Variants in HMGA2 observed in about 807,000 individuals in gnomAD.
HMGA2 encodes high mobility group AT-hook 2.
HMGA2 carries 8 observed loss-of-function variants against 19.1 expected under a neutral mutation model. The ratio of observed to expected loss-of-function variants is 0.42; its 90% CI spans 0.25 to 0.76. HMGA2 has a LOEUF of 0.76. Ranked by LOEUF, HMGA2 falls within the 30% of genes least tolerant of loss-of-function variation. HMGA2 has a pLI of 0.28. For synonymous variants in HMGA2, 60 were observed against 48.8 expected (o/e 1.23, Z -0.96); for missense variants, 109 against 136.3 (o/e 0.80, Z 1.00).
chr12:65,880,186 A>AT (rs1873297767), intron 3 of HMGA2, among the ~76,000 whole-genome samples: 3 of 152,236 alleles, frequency 2.0e-5, no homozygotes, highest in African/African-American at 7.2e-5. Flanking sequence ...GAAGCAAAGC[A>AT]TTTTTCACGG....
At position 65,824,745 on chromosome 12, in the gene HMGA2, C is replaced by G. The variant is rs865805081; in HGVS notation, c.-526C>G. ...TCTCTCTCTCTCTCTCTCTCTCTCT[C>G]TCTCTCTCTCTCTCTCTCTCTCTCG... On this transcript the variant is annotated 5_prime_UTR_variant, in exon 1 of 5. Transcript: ENST00000403681. The G allele has an allele frequency of 2.3e-3, 527 of 231,782 alleles. 7 individuals are homozygous for G. Among genetic ancestry groups the G allele is most frequent in the African/African-American group, 8.9e-3 (397 of 44,750 alleles). The allele number at this position is 231,782 out of a possible 1,614,324, so 14.4% of individuals were successfully genotyped here.
chr12:65,917,713 T>G (rs758995164), intron 3 of HMGA2, among the ~76,000 whole-genome samples: 24 of 152,178 alleles, frequency 1.6e-4, no homozygotes, highest in Non-Finnish European at 3.4e-4. Context: ...GGCTGGAGTT[T>G]CCTGGAGTGT....
intron 3 of HMGA2, among the ~76,000 whole-genome samples, chr12:65,869,494 T>C (rs138436198): frequency 1.9e-4 from 29 of 152,158 alleles, no homozygotes; most frequent in African/African-American, 5.1e-4. Flanking sequence ...GTCAGTGGGG[T>C]CAATTCTTAG....
At chr12:65,957,542 T>A (rs1033203687) in intron 4 of HMGA2, 1 of 152,204 alleles carries the variant, frequency 6.6e-6, no homozygotes, top group Non-Finnish European at 1.5e-5. Flanking sequence ...TTGCTTTCTT[T>A]AGCTATTTTT....
chr12:65,950,420 C>A (rs1009252037), intron 3 of HMGA2, among the ~76,000 whole-genome samples: 1 of 152,118 alleles, frequency 6.6e-6, no homozygotes, highest in African/African-American at 2.4e-5. Context: ...CCTAGAAAAC[C>A]CTAGGCCAGT....
At chr12:65,932,345 T>C (rs1479355764) in intron 3 of HMGA2, among the ~76,000 whole-genome samples, 1 of 152,226 alleles carries the variant, frequency 6.6e-6, no homozygotes, top group Non-Finnish European at 1.5e-5. Context: ...TAATTTTATG[T>C]TTCTCTTGAT....
intron 3 of HMGA2, among the ~76,000 whole-genome samples, chr12:65,947,951 C>T (rs998668472): frequency 6.6e-6 from 1 of 152,190 alleles, no homozygotes; most frequent in Non-Finnish European, 1.5e-5. Context: ...GGAAGTACAG[C>T]TTCTCCTGGA....
At chr12:65,847,867 T>C (rs1592383296) in intron 3 of HMGA2, among the ~76,000 whole-genome samples, 1 of 152,230 alleles carries the variant, frequency 6.6e-6, no homozygotes, top group East Asian at 1.9e-4. Flanking sequence ...GTATAAAGGA[T>C]GGCCTTTGAA....
intron 3 of HMGA2, among the ~76,000 whole-genome samples, chr12:65,865,323 C>T (rs528779107): frequency 2.6e-5 from 4 of 152,240 alleles, no homozygotes; most frequent in South Asian, 4.2e-4. Flanking sequence ...AGTGCCCCAA[C>T]CCCTGCATTG....
intron 3 of HMGA2, among the ~76,000 whole-genome samples, chr12:65,947,542 T>C (rs576341441): frequency 8.5e-5 from 13 of 152,334 alleles, no homozygotes; most frequent in Admixed American, 2.6e-4. Context: ...AATGCAACCA[T>C]GGAATGAGGA....
intron 3 of HMGA2, among the ~76,000 whole-genome samples, chr12:65,862,907 G>A (rs181337500): frequency 5.6e-4 from 86 of 152,332 alleles, no homozygotes; most frequent in Middle Eastern, 3.4e-3. Flanking sequence ...ACTGCCAACG[G>A]CAGTATGTGG....
Position 65,825,897 on chromosome 12 carries a change from C to G in HMGA2, c.111+516C>G, listed in dbSNP as rs1372632653. On this transcript the variant is annotated intron_variant, in intron 1 of 4. Coordinates refer to ENST00000403681, the MANE Select transcript of HMGA2 (RefSeq NM_003483.6). This position sits in a 1 kb window ranked among gnomAD's most constrained non-coding sequence, Gnocchi z 4.4. ...GTCGGGGGCTGGCGCGCCGCAGCCG[C>G]CCCCTTGGCGCCCTCCTCCAAGCTC... 6.6e-6 allele frequency: 1 copy of G among 152,296 alleles called. No individual in the cohort carries two copies. The highest frequency in any genetic ancestry group is 6.5e-5 in the Admixed American group (1 of 15,298). 9.4% of individuals were successfully genotyped at this position (152,296 alleles called of 1,614,324 possible). A position where few individuals can be genotyped will look rare whatever the true frequency, so the allele number is the denominator to read the frequency against.
At chr12:65,865,485 G>A (rs1302145597) in intron 3 of HMGA2, among the ~76,000 whole-genome samples, 1 of 152,034 alleles carries the variant, frequency 6.6e-6, no homozygotes, top group African/African-American at 2.4e-5. Flanking sequence ...GTATTAAATT[G>A]AAACTTAAGT....
chr12:65,904,154 G>A (rs1003970482), intron 3 of HMGA2, among the ~76,000 whole-genome samples: 2 of 152,198 alleles, frequency 1.3e-5, no homozygotes, highest in Non-Finnish European at 2.9e-5. Flanking sequence ...GGCCAGGGAC[G>A]TCTGACAGAT....
At chr12:65,841,984 C>T in intron 3 of HMGA2, 4 of 918,776 alleles carry the variant, frequency 4.4e-6, no homozygotes, top group Non-Finnish European at 4.3e-6. Context: ...ACTTTAATTC[C>T]CTTCATCTTT....
intron 3 of HMGA2, among the ~76,000 whole-genome samples, chr12:65,862,813 T>C (rs899420117): frequency 1.3e-5 from 2 of 152,094 alleles, no homozygotes; most frequent in Admixed American, 1.3e-4. Flanking sequence ...CAAGAGAATG[T>C]GGAAAATGAA....
intron 3 of HMGA2, among the ~76,000 whole-genome samples, chr12:65,897,224 G>A (rs984831400): frequency 2.6e-5 from 4 of 152,108 alleles, no homozygotes; most frequent in Non-Finnish European, 5.9e-5. Flanking sequence ...TATCCTTTGT[G>A]TTGCAAACAA....
In HMGA2 at chr12:65,824,731, C is replaced by CTCTG. The variant is rs1555179148; in HGVS notation, c.-537_-536insGTCT. ...CAATCTCTTCTCTCTCTCTCTCTCTCTCTCTCTCTCTCTCTCTCTCTCTCT... is the reference window on the plus strand; with the variant it reads ...CAATCTCTTCTCTCTCTCTCTCTCTCTCTGTCTCTCTCTCTCTCTCTCTCTCTCT... On this transcript the variant is annotated 5_prime_UTR_variant, in exon 1 of 5. Coordinates refer to ENST00000403681, the MANE Select transcript of HMGA2 (RefSeq NM_003483.6). The CTCTG allele has an allele frequency of 5.4e-5, 11 of 202,984 alleles. 1 individual carries two copies. Among genetic ancestry groups the CTCTG allele is most frequent in the Admixed American group, 1.9e-4 (3 of 15,784 alleles). The allele number at this position is 202,984 out of a possible 1,614,324, so 12.6% of individuals were successfully genotyped here.
At chr12:65,915,367 A>T in intron 3 of HMGA2, 1 of 1,330,422 alleles carries the variant, frequency 7.5e-7, no homozygotes, top group Non-Finnish European at 9.7e-7. Flanking sequence ...TGAAAAAAGT[A>T]CTCACTCTAG....
Sources: gnomAD v4.1 joint callset for allele counts (sites outside exome capture counted in the v4.1 genomes callset) on GRCh38, gnomAD v4.1.1 for gene constraint, Gnocchi (gnomAD v3.1) non-coding constraint, MANE v1.5 for transcripts, NCBI Gene and HGNC (gene_info 2026-07-23, HGNC 2026-07-21) for gene names.